The following ABCC6 variants were observed in gnomAD, a reference collection of about 807,000 sequenced individuals.
ABCC6 encodes ATP-binding cassette sub-family C member 6.
ABCC6 carries 126 observed loss-of-function variants against 169.5 expected under a neutral mutation model. The observed-to-expected ratio is 0.74, with a 90% confidence interval of 0.64 to 0.86. The LOEUF (loss-of-function observed/expected upper bound fraction) is 0.86. ABCC6 is among the 40% of genes least tolerant of loss of function. The pLI is 0.00. For synonymous variants in ABCC6, 752 were observed against 814.7 expected, an observed-to-expected ratio of 0.92 and a Z score of 1.31; for missense variants, 1,733 against 1,927.2, an observed-to-expected ratio of 0.90 and a Z score of 1.89.
rs756614582 is a variant in ABCC6, at chr16:16,202,065, A to G, written c.1112T>C (p.Met371Thr). 6.2e-6 allele frequency: 10 copies of G among 1,613,996 alleles called. No homozygotes were observed. The highest frequency in any genetic ancestry group is 5.1e-6 in the Non-Finnish European group (6 of 1,179,874). ...CATCTGCAGCACCTTGAGCCTGTAC[A>G]TGTTCTGCTGCTCAAACAGCGTTTG... ...CLQTLFEQQN[M>T]YRLKVLQMRL... Residue 371 changes from methionine (M) to threonine (T), a missense_variant, in exon 9 of 31, where the codon ATG (methionine) becomes ACG (threonine). Met to Thr is a moderately conservative substitution (Grantham distance 81). Transcript: ENST00000205557.
chr16:16,208,807 G>A lies in ABCC6; in HGVS notation c.715C>T (p.Leu239Phe), dbSNP rs1174395200. 5.6e-6 allele frequency: 9 copies of A among 1,613,244 alleles called. No homozygotes were observed. The highest frequency in any genetic ancestry group is 7.6e-6 in the Non-Finnish European group (9 of 1,179,742). Reference sequence around the variant, plus strand: ...TCTTCTGAGGAGTTTTCTCTCCCAAGCGACCAGAGGTCTTTTGGTCTCAGT... The same window carrying A: ...TCTTCTGAGGAGTTTTCTCTCCCAAACGACCAGAGGTCTTTTGGTCTCAGT... ...RPLRPKDLWS[L>F]GRENSSEELV... is the part of the protein sequence containing the mutation. Residue 239 changes from leucine (L) to phenylalanine (F), a missense_variant, in exon 7 of 31, where the codon CTT (leucine) becomes TTT (phenylalanine). Physicochemically the swap from Leu to Phe is conservative, Grantham distance 22. Transcript: ENST00000205557.
rs376798469 is a variant in ABCC6, at chr16:16,194,997, A to G, written c.1339-2075T>C. 5.9e-5 allele frequency among the ~76,000 whole-genome samples: 9 copies of G among 152,106 alleles called. No homozygotes were observed. In the East Asian group the frequency reaches 1.7e-3, roughly 29 times the overall value. The stretch of plus-strand genomic sequence containing the variant: ...ACCTGGCCTGGGAACACTATTTTCT[A>G]ACATTGGGCCAGTTTGTTTCATTTA... On this transcript the variant is annotated intron_variant, in intron 10 of 30. Transcript: ENST00000205557.
At chr16:16,160,122 GAA>G (rs1285597365) in intron 25 of ABCC6, among the ~76,000 whole-genome samples, 1 of 152,084 alleles carries the variant, frequency 6.6e-6, no homozygotes, top group Admixed American at 6.6e-5. Flanking sequence ...CACCAGGGAT[GAA>G]CCTTCAACTC....
At chr16:16,189,405 T>C (rs1483852426) in intron 12 of ABCC6, among the ~76,000 whole-genome samples, 1 of 148,642 alleles carries the variant, frequency 6.7e-6, no homozygotes, top group Non-Finnish European at 1.5e-5. Context: ...TAGGTGTTGG[T>C]GCCATTTGTG....
In ABCC6 at chr16:16,208,816, G is replaced by A; in HGVS notation, c.706C>T (p.Leu236Phe). The change falls in exon 7 of 31, where the codon CTC becomes TTC. Residue 236 changes from leucine (L) to phenylalanine (F), a missense_variant. By Grantham distance (22) the Leu-to-Phe change is conservative. This residue lies in a region of ABCC6 where 1,601 missense variants were observed against 1,635.5 expected (regional missense o/e 0.98). Coordinates refer to ENST00000205557, the MANE Select transcript of ABCC6 (RefSeq NM_001171.6). Reference protein sequence around the residue: ...GYRRPLRPKDLWSLGRENSSE... With the variant: ...GYRRPLRPKDFWSLGRENSSE... ...GAGTTTTCTCTCCCAAGCGACCAGAGGTCTTTTGGTCTCAGTGGCCTCCTG... is the reference window on the plus strand; with the variant it reads ...GAGTTTTCTCTCCCAAGCGACCAGAAGTCTTTTGGTCTCAGTGGCCTCCTG... 1 of 1,613,450 alleles carries A rather than the reference G, an allele frequency of 6.2e-7. No homozygotes were observed. The highest frequency in any genetic ancestry group is 1.3e-5 in the African/African-American group (1 of 74,844).
In ABCC6 at chr16:16,213,219, T is replaced by C. The variant is rs2048706739; in HGVS notation, c.601-973A>G. On this transcript the variant is annotated intron_variant, in intron 5 of 30. Coordinates refer to ENST00000205557, the MANE Select transcript of ABCC6 (RefSeq NM_001171.6). The stretch of plus-strand genomic sequence containing the variant: ...CCTGCTTTAGTCTCCACAGAGCTAC[T>C]CTGTAGTGGGACTACAGGCATGCAC... 7.9e-5 allele frequency among the ~76,000 whole-genome samples: 12 copies of C among 152,112 alleles called. No individual in the cohort carries two copies. In the South Asian group the frequency reaches 2.5e-3, roughly 32 times the overall value.
intron 4 of ABCC6, among the ~76,000 whole-genome samples, chr16:16,215,780 A>G (rs901145392): frequency 5.3e-5 from 8 of 151,700 alleles, no homozygotes; most frequent in Non-Finnish European, 1.2e-4. Flanking sequence ...GGCCTGATAT[A>G]TATATTTCTG....
intron 18 of ABCC6, among the ~76,000 whole-genome samples, chr16:16,178,434 CCTT>C (rs1316662071): frequency 6.6e-6 from 1 of 152,056 alleles, no homozygotes; most frequent in Non-Finnish European, 1.5e-5. Context: ...GGACAGCTCC[CCTT>C]CTTGTGCTCC....
rs775243858 is a variant in ABCC6 at position 16,173,385 on chromosome 16, C to T, written c.2686G>A (p.Glu896Lys). The change falls in exon 21 of 31, where the codon GAG becomes AAG. Residue 896 changes from glutamate to lysine, a missense_variant. Glu to Lys is a moderately conservative substitution (Grantham distance 56). Around this residue, in one of 5 missense-constraint regions of ABCC6, gnomAD observed 1,601 missense variants for 1,635.5 expected, o/e 0.98. Coordinates refer to ENST00000205557, the MANE Select transcript of ABCC6 (RefSeq NM_001171.6). The stretch of plus-strand genomic sequence containing the variant: ...GCTTCTGAAGTGGTACGGTCCTTCT[C>T]AGGGACTGACTTGATGGACCTGTCA... ...RRERSIKSVPEKDRTTSEAQT... is the reference protein window; with the variant it reads ...RRERSIKSVPKKDRTTSEAQT... 6.2e-7 allele frequency: 1 copy of T among 1,614,070 alleles called. No individual in the cohort carries two copies. The highest frequency in any genetic ancestry group is 2.2e-5 in the East Asian group (1 of 44,876).
intron 18 of ABCC6, among the ~76,000 whole-genome samples, chr16:16,178,466 C>T (rs144008553): frequency 1.3e-5 from 2 of 152,030 alleles, no homozygotes; most frequent in African/African-American, 2.4e-5. Context: ...TTCTTGTAAA[C>T]AGCATATCCA....
rs759517670 is a variant in ABCC6, at chr16:16,208,793, G to T, written c.729C>A (p.Asn243Lys). Reference protein sequence around the residue: ...PKDLWSLGRENSSEELVSRLE... With the variant: ...PKDLWSLGREKSSEELVSRLE... ...GCCGGGAAACAAGTTCTTCTGAGGAGTTTTCTCTCCCAAGCGACCAGAGGT... is the reference window on the plus strand; with the variant it reads ...GCCGGGAAACAAGTTCTTCTGAGGATTTTTCTCTCCCAAGCGACCAGAGGT... Residue 243 changes from asparagine (N) to lysine (K), a missense_variant, in exon 7 of 31, where the codon AAC (asparagine) becomes AAA (lysine). By Grantham distance (94) the Asn-to-Lys change is moderately conservative. Coordinates refer to ENST00000205557, the MANE Select transcript of ABCC6 (RefSeq NM_001171.6). 6.2e-7 allele frequency: 1 copy of T among 1,613,420 alleles called. No individual in the cohort carries two copies. Among genetic ancestry groups the T allele is most frequent in the Non-Finnish European group, 8.5e-7 (1 of 1,179,760 alleles).
intron 15 of ABCC6, among the ~76,000 whole-genome samples, chr16:16,183,746 G>A (rs2047554559): frequency 6.6e-6 from 1 of 152,082 alleles, no homozygotes; most frequent in Non-Finnish European, 1.5e-5. Context: ...GGCATCTAGT[G>A]GGTAGAGACT....
At position 16,167,011 on chromosome 16, in the gene ABCC6, A is replaced by G. The variant is rs370373508; in HGVS notation, c.2996-1078T>C. Among the ~76,000 whole-genome samples, 10 of 152,362 alleles carry G rather than the reference A, an allele frequency of 6.6e-5. No individual in the cohort carries two copies. The East Asian group carries it at 1.2e-3, about 18-fold the overall frequency. ...CAGAACTGCGACAGAACAAATTTCA[A>G]TTGTGCTGGGCTCCCAAGTTTGTGG... On this transcript the variant is annotated intron_variant, in intron 22 of 30. Coordinates refer to ENST00000205557, the MANE Select transcript of ABCC6 (RefSeq NM_001171.6).
Position 16,192,893 on chromosome 16 carries a change from G to A in ABCC6, c.1368C>T (p.Ile456=), listed in dbSNP as rs141309818. ...QLLGPSALTA[I]AVFLSLLPLN... is the part of the protein sequence containing the mutation. ...GAGGGAGGAGGCTCAGGAAGACAGC[G>A]ATGGCAGTGAGGGCGGAGGGCCCCA... The change falls in exon 11 of 31, where the codon ATC becomes ATT. Residue 456 remains isoleucine (I), a synonymous_variant. Transcript: ENST00000205557. 1.2e-4 allele frequency: 192 copies of A among 1,614,156 alleles called. No individual in the cohort carries two copies. The African/African-American group carries it at 2.3e-3, about 19-fold the overall frequency.
intron 8 of ABCC6, among the ~76,000 whole-genome samples, chr16:16,202,818 C>T (rs1305148974): frequency 2.0e-5 from 3 of 152,220 alleles, no homozygotes; most frequent in Non-Finnish European, 4.4e-5. Flanking sequence ...GCTGAGCAGA[C>T]ACCACTTGAA....
intron 27 of ABCC6, chr16:16,155,540 C>T (rs2046525466): frequency 6.0e-6 from 1 of 166,164 alleles, no homozygotes; most frequent in African/African-American, 2.4e-5. Flanking sequence ...CATCAATTCA[C>T]TAATCCTTTC....
chr16:16,164,013 G>A (rs900752982), intron 23 of ABCC6, among the ~76,000 whole-genome samples: 7 of 151,850 alleles, frequency 4.6e-5, no homozygotes, highest in Admixed American at 6.6e-5. Context: ...GACAATTGTC[G>A]GGGACAGTGG....
At chr16:16,200,683 C>T (rs546653860) in intron 9 of ABCC6, among the ~76,000 whole-genome samples, 2 of 149,884 alleles carry the variant, frequency 1.3e-5, no homozygotes, top group South Asian at 2.1e-4. Context: ...GCTGCCCTCT[C>T]GGCCACCTAG....
chr16:16,168,859 T>C (rs1032819103), intron 22 of ABCC6, among the ~76,000 whole-genome samples: 1 of 152,052 alleles, frequency 6.6e-6, no homozygotes, highest in Non-Finnish European at 1.5e-5. Context: ...GGCGGGCAGA[T>C]CATTTGAGGT....
Sources: gnomAD v4.1 joint callset for allele counts (sites outside exome capture counted in the v4.1 genomes callset) on GRCh38, gnomAD v4.1.1 for gene constraint, gnomAD v4.1.1 regional missense constraint, MANE v1.5 for transcripts, NCBI Gene and HGNC (gene_info 2026-07-23, HGNC 2026-07-21) for gene names.